ADGRV1: variants seen among roughly 807,000 people sequenced by gnomAD.
ADGRV1 encodes G-protein coupled receptor 98.
A neutral mutation model predicts 596.2 loss-of-function variants in ADGRV1; 359 were observed. The ratio of observed to expected loss-of-function variants is 0.60; its 90% confidence interval spans 0.55 to 0.66. The LOEUF is 0.66. Among genes scored for constraint, ADGRV1 ranks in the 30% least tolerant of loss-of-function variants. The pLI is 0.00. For missense variants in ADGRV1, 7,274 were observed against 7,575.6 expected (o/e 0.96, Z 1.48); for synonymous variants, 2,681 against 2,679.2 (o/e 1.00, Z -0.02).
intron 70 of ADGRV1, among the ~76,000 whole-genome samples, chr5:90,802,272 G>A (rs956265567): frequency 2.0e-4 from 31 of 152,214 alleles, no homozygotes; most frequent in African/African-American, 7.2e-4. Flanking sequence ...CTGGAGTGCA[G>A]TGGCACAATC....
Position 90,690,842 on chromosome 5 carries a change from C to T in ADGRV1, c.6752C>T (p.Ser2251Leu), listed in dbSNP as rs781279499. 1.3e-5 allele frequency: 21 copies of T among 1,604,500 alleles called. No homozygotes were observed. The highest frequency in any genetic ancestry group is 3.3e-4 in the Middle Eastern group (2 of 6,078). ...ATTGTAGAGGAACCTGAGTTTAACT[C>T]AGTGAAGGTAAACCTGCCAATAATT... is the stretch of plus-strand genomic sequence containing the variant. ...KLIVEEPEFNSVKVNLPIIRN... is the reference protein window; with the variant it reads ...KLIVEEPEFNLVKVNLPIIRN... Residue 2251 changes from serine (S) to leucine (L), a missense_variant, in exon 31 of 90, where the codon TCA becomes TTA. This residue lies in a region of ADGRV1 where 3,643 missense variants were observed against 3,809.2 expected (regional missense o/e 0.96). Coordinates refer to ENST00000405460, the MANE Select transcript of ADGRV1 (RefSeq NM_032119.4).
At chr5:90,838,848 A>G (rs968638079) in intron 77 of ADGRV1, among the ~76,000 whole-genome samples, 1 of 152,150 alleles carries the variant, frequency 6.6e-6, no homozygotes, top group African/African-American at 2.4e-5. Flanking sequence ...TGATATAGCG[A>G]GACCCTCATC....
At chr5:91,157,442 A>T (rs899973308) in intron 89 of ADGRV1, among the ~76,000 whole-genome samples, 1 of 152,140 alleles carries the variant, frequency 6.6e-6, no homozygotes, top group Non-Finnish European at 1.5e-5. Flanking sequence ...TTTTTTAAAT[A>T]TGTGAACAGG....
chr5:91,077,464 C>T (rs1307341326), intron 86 of ADGRV1, among the ~76,000 whole-genome samples: 3 of 152,174 alleles, frequency 2.0e-5, no homozygotes, highest in Admixed American at 2.0e-4. Context: ...CTTTTTTGTT[C>T]TCAACATCCC....
At chr5:90,837,366 TTTTTTTTTTTC>T (rs1162357139) in intron 77 of ADGRV1, among the ~76,000 whole-genome samples, 1 of 147,384 alleles carries the variant, frequency 6.8e-6, no homozygotes, top group Non-Finnish European at 1.5e-5. Context: ...ATTGATTTTC[TTTTTTTTTTTC>T]TTTTTTTTTT....
In ADGRV1 at chr5:90,763,397, A is replaced by G; in HGVS notation, c.12213A>G (p.Arg4071=). Residue 4071 remains arginine, a synonymous_variant, in exon 59 of 90, where the codon CGA becomes CGG. Coordinates refer to ENST00000405460, the MANE Select transcript of ADGRV1 (RefSeq NM_032119.4). ...VRSPGGKGTV[R]LEWTIDEKAK... ...CCCCAGGAGGAAAAGGAACCGTCCG[A>G]CTTGAGTGGACCATAGATGAGAAGG... 6.2e-7 allele frequency: 1 copy of G among 1,613,694 alleles called. No individual in the cohort carries two copies. The highest frequency in any genetic ancestry group is 1.3e-5 in the African/African-American group (1 of 75,058).
chr5:90,599,762 G>A (rs1017086301), intron 1 of ADGRV1, among the ~76,000 whole-genome samples: 7 of 152,166 alleles, frequency 4.6e-5, no homozygotes, highest in South Asian at 2.1e-4. Flanking sequence ...TGTATGAGGC[G>A]GATGGAGAAA....
At chr5:90,641,104 A>G (rs1286351933) in intron 11 of ADGRV1, among the ~76,000 whole-genome samples, 1 of 152,172 alleles carries the variant, frequency 6.6e-6, no homozygotes, top group African/African-American at 2.4e-5. Context: ...CATTTAAAGT[A>G]TTTTGAAATT....
intron 84 of ADGRV1, among the ~76,000 whole-genome samples, chr5:90,979,336 T>C (rs527408376): frequency 6.6e-6 from 1 of 151,964 alleles, no homozygotes; most frequent in Admixed American, 6.5e-5. Context: ...GCCTGGCTAA[T>C]TGTTTGTATT....
chr5:91,101,624 C>T (rs184861381), intron 86 of ADGRV1, among the ~76,000 whole-genome samples: 61 of 152,244 alleles, frequency 4.0e-4, no homozygotes, highest in African/African-American at 1.3e-3. Flanking sequence ...ATTCTGAAAA[C>T]GTCTGAAACA....
intron 3 of ADGRV1, 79 bp from the exon 4 acceptor site, chr5:90,619,007 G>A: frequency 1.5e-6 from 1 of 654,010 alleles, no homozygotes; most frequent in Admixed American, 3.5e-5. Flanking sequence ...ACTACTTGAA[G>A]ACAAATTCTA....
intron 70 of ADGRV1, chr5:90,792,495 C>T (rs534058496): frequency 6.6e-6 from 1 of 152,258 alleles, no homozygotes; most frequent in African/African-American, 2.4e-5. Context: ...CATAGCTATT[C>T]CTACATTCCT....
rs541168557 is a variant in ADGRV1, at chr5:90,794,081, C to T, written c.14517+2735C>T. Among the ~76,000 whole-genome samples, 10 of 152,278 alleles carry T rather than the reference C, an allele frequency of 6.6e-5. No homozygotes were observed. The South Asian group carries it at 1.7e-3, about 25-fold the overall frequency. ...TCTTTGAAGATTGGGATATTAGTTA[C>T]AAGAGTTTACATCCTGTCCTCCCTC... On this transcript the variant is annotated intron_variant, in intron 70 of 89. Coordinates refer to ENST00000405460, the MANE Select transcript of ADGRV1 (RefSeq NM_032119.4).
chr5:91,048,032 A>T (rs1785981221), intron 85 of ADGRV1, among the ~76,000 whole-genome samples: 1 of 152,198 alleles, frequency 6.6e-6, no homozygotes. Context: ...AAGTTTATGA[A>T]TAGGGAAGAG....
At chr5:90,778,742 A>G in intron 63 of ADGRV1, 123 bp from the exon 64 acceptor site, 1 of 1,028,162 alleles carries the variant, frequency 9.7e-7, no homozygotes, top group Admixed American at 3.0e-5. Flanking sequence ...CATATAATCT[A>G]TATAATTTTA....
At chr5:90,620,151 T>C (rs1763873916) in intron 4 of ADGRV1, among the ~76,000 whole-genome samples, 1 of 152,146 alleles carries the variant, frequency 6.6e-6, no homozygotes, top group Non-Finnish European at 1.5e-5. Context: ...ATATTTCTAG[T>C]TCTAGATCTC....
intron 89 of ADGRV1, among the ~76,000 whole-genome samples, chr5:91,161,509 T>G (rs1024391165): frequency 7.2e-5 from 1 of 13,918 alleles, no homozygotes; most frequent in African/African-American, 8.1e-5. Context: ...TTTTTGTTAG[T>G]TTTTTTTTTT....
intron 77 of ADGRV1, among the ~76,000 whole-genome samples, chr5:90,832,597 T>G (rs1764613148): frequency 6.6e-6 from 1 of 152,204 alleles, no homozygotes; most frequent in Non-Finnish European, 1.5e-5. Flanking sequence ...GCAGAAACTT[T>G]TTAATTTGAT....
At chr5:91,027,736 C>G (rs1469885712) in intron 85 of ADGRV1, among the ~76,000 whole-genome samples, 1 of 152,174 alleles carries the variant, frequency 6.6e-6, no homozygotes, top group Non-Finnish European at 1.5e-5. Context: ...TTTGAGTTCT[C>G]TTTCACACAG....
Sources: gnomAD v4.1 joint callset for allele counts (sites outside exome capture counted in the v4.1 genomes callset) on GRCh38, gnomAD v4.1.1 for gene constraint, gnomAD v4.1.1 regional missense constraint, MANE v1.5 for transcripts, NCBI Gene and HGNC (gene_info 2026-07-23, HGNC 2026-07-21) for gene names.